RARB: variants seen among roughly 807,000 people sequenced by gnomAD.
The protein encoded by RARB is retinoic acid receptor beta.
RARB carries 17 observed loss-of-function variants against 51.9 expected under a neutral mutation model. That is an observed-to-expected ratio of 0.33 (90% confidence interval 0.22 to 0.49). The LOEUF (loss-of-function observed/expected upper bound fraction) is 0.49, where lower values mean the gene tolerates loss of function less well. Ranked by LOEUF, RARB falls within the 20% of genes least tolerant of loss-of-function variation. The pLI, the probability that RARB is intolerant of heterozygous loss-of-function variation, is 0.99. For synonymous variants in RARB, 215 were observed against 195.4 expected (o/e 1.10, Z -0.84); for missense variants, 369 against 550.8 (o/e 0.67, Z 3.30).
At chr3:25,248,802 A>G (rs1702633371) in intron 5 of RARB, among the ~76,000 whole-genome samples, 1 of 151,954 alleles carries the variant, frequency 6.6e-6, no homozygotes. Context: ...TTATATGTCT[A>G]CTGTTAGTCT....
intron 1 of RARB, among the ~76,000 whole-genome samples, chr3:24,835,290 T>C (rs1702330189): frequency 6.6e-6 from 1 of 152,220 alleles, no homozygotes. Context: ...AATGTGTCTG[T>C]GGATCCATGC....
intron 5 of RARB, among the ~76,000 whole-genome samples, chr3:25,399,724 T>A (rs1559385277): frequency 6.6e-6 from 1 of 152,182 alleles, no homozygotes. Context: ...CTAGCTGGTA[T>A]ATTAAAACCA....
intron 5 of RARB, among the ~76,000 whole-genome samples, chr3:25,333,506 C>T (rs988158240): frequency 2.0e-5 from 3 of 152,048 alleles, no homozygotes; most frequent in Admixed American, 6.5e-5. Context: ...CCCTTCCTTA[C>T]ACCTTATACA....
rs746548370 is a variant in RARB, at chr3:24,912,274, A to C, written c.-380+53522A>C. On this transcript the variant is annotated intron_variant, in intron 2 of 11. Transcript: ENST00000383772. ...ATCCTACTTCTTCCATGTTTTATCT[A>C]TCTGATCTCGGGTAAGTTAGGGAAC... Among the ~76,000 whole-genome samples the C allele has an allele frequency of 3.3e-5, 5 of 152,270 alleles. No homozygotes were observed. The South Asian group carries it at 1.0e-3, about 32-fold the overall frequency.
intron 5 of RARB, among the ~76,000 whole-genome samples, chr3:25,350,894 T>A (rs1705546569): frequency 6.6e-6 from 1 of 152,176 alleles, no homozygotes; most frequent in African/African-American, 2.4e-5. Flanking sequence ...CTCTGCCAGT[T>A]CCCATGGTGT....
chr3:25,276,232 T>A (rs1178150552), intron 5 of RARB, among the ~76,000 whole-genome samples: 1 of 152,224 alleles, frequency 6.6e-6, no homozygotes, highest in African/African-American at 2.4e-5. Context: ...TGGTTTTGAT[T>A]TGCATTTCCC....
At chr3:24,984,198 C>T (rs562222401) in intron 2 of RARB, among the ~76,000 whole-genome samples, 2 of 152,302 alleles carry the variant, frequency 1.3e-5, no homozygotes, top group East Asian at 3.9e-4. Flanking sequence ...AGGTGTTCAT[C>T]ACAGCGCAAA....
At chr3:25,236,143 T>C (rs1335491331) in intron 5 of RARB, among the ~76,000 whole-genome samples, 1 of 152,168 alleles carries the variant, frequency 6.6e-6, no homozygotes, top group African/African-American at 2.4e-5. Flanking sequence ...TTATAGCTCA[T>C]TGTATAAATG....
At chr3:25,362,439 C>T (rs1297900216) in intron 5 of RARB, among the ~76,000 whole-genome samples, 1 of 152,172 alleles carries the variant, frequency 6.6e-6, no homozygotes, top group Non-Finnish European at 1.5e-5. Context: ...ATGAGCAAGA[C>T]CACTTGGCTC....
At chr3:24,948,086 A>T (rs1695812735) in intron 2 of RARB, among the ~76,000 whole-genome samples, 1 of 152,156 alleles carries the variant, frequency 6.6e-6, no homozygotes. Flanking sequence ...GCCAGGATTC[A>T]AGGCTCATTT....
intron 5 of RARB, among the ~76,000 whole-genome samples, chr3:25,396,987 A>C (rs1481980464): frequency 6.6e-6 from 1 of 152,176 alleles, no homozygotes; most frequent in Non-Finnish European, 1.5e-5. Flanking sequence ...CTGGGCTTTC[A>C]GGCCCCACTG....
intron 4 of RARB, among the ~76,000 whole-genome samples, chr3:25,167,022 G>T (rs995626864): frequency 6.6e-5 from 10 of 152,146 alleles, no homozygotes; most frequent in Non-Finnish European, 1.0e-4. Context: ...TTTCAGATTG[G>T]TGCTGTTACT....
intron 5 of RARB, among the ~76,000 whole-genome samples, chr3:25,208,049 C>A (rs145430895): frequency 2.0e-5 from 3 of 152,046 alleles, no homozygotes; most frequent in Middle Eastern, 6.8e-3. Flanking sequence ...GGGAATGCTA[C>A]GCACCGTTAA....
intron 2 of RARB, among the ~76,000 whole-genome samples, chr3:24,956,298 CA>C (rs1696012413): frequency 6.6e-6 from 1 of 152,134 alleles, no homozygotes; most frequent in East Asian, 1.9e-4. Context: ...TCTCATTTGT[CA>C]AATGTGTATA....
chr3:25,141,967 T>G (rs1022931163), intron 4 of RARB, among the ~76,000 whole-genome samples: 4 of 152,196 alleles, frequency 2.6e-5, no homozygotes, highest in Non-Finnish European at 5.9e-5. Flanking sequence ...TGTAGAATAT[T>G]TTAAAGTCTT....
intron 2 of RARB, among the ~76,000 whole-genome samples, chr3:24,874,168 A>C (rs1703000076): frequency 6.6e-6 from 1 of 152,064 alleles, no homozygotes; most frequent in South Asian, 2.1e-4. Context: ...TACCCCTTGG[A>C]TATAAAGGGA....
intron 2 of RARB, among the ~76,000 whole-genome samples, chr3:24,964,330 AC>A (rs1411702362): frequency 1.3e-5 from 2 of 152,134 alleles, no homozygotes; most frequent in African/African-American, 2.4e-5. Context: ...TTCATTGCTA[AC>A]CCTCATTAAG....
chr3:24,991,985 A>G (rs560473673), intron 2 of RARB, among the ~76,000 whole-genome samples: 4 of 152,034 alleles, frequency 2.6e-5, no homozygotes, highest in East Asian at 1.9e-4. Context: ...CAGGCTTTCT[A>G]TATCATGCCA....
At chr3:25,563,947 CT>C (rs58611383) in intron 3 of RARB, among the ~76,000 whole-genome samples, 44,343 of 136,882 alleles carry the variant, frequency 0.32, 6,291 homozygotes, top group East Asian at 0.38. Context: ...TTGTATTTTC[CT>C]TTTTTTTTTT....
Sources: gnomAD v4.1 joint callset for allele counts (sites outside exome capture counted in the v4.1 genomes callset) on GRCh38, gnomAD v4.1.1 for gene constraint, MANE v1.5 for transcripts, NCBI Gene and HGNC (gene_info 2026-07-23, HGNC 2026-07-21) for gene names.